GPC5: variants seen among roughly 807,000 people sequenced by gnomAD.
The protein encoded by GPC5 is glypican-5.
A neutral mutation model predicts 53.9 loss-of-function variants in GPC5; 47 were observed. The ratio of observed to expected loss-of-function variants is 0.87; its 90% CI spans 0.69 to 1.11. GPC5 has a LOEUF of 1.11. Ranked by LOEUF, GPC5 falls within the 50% of genes most tolerant of loss-of-function variation. The pLI, the probability that GPC5 is intolerant of heterozygous loss-of-function variation, is 0.00. For missense variants in GPC5, 748 were observed against 713.1 expected, an observed-to-expected ratio of 1.05 and a Z score of -0.56; for synonymous variants, 286 against 263.3, an observed-to-expected ratio of 1.09 and a Z score of -0.84.
At chr13:92,588,288 G>A (rs1307090321) in intron 7 of GPC5, among the ~76,000 whole-genome samples, 1 of 152,132 alleles carries the variant, frequency 6.6e-6, no homozygotes, top group East Asian at 1.9e-4. Flanking sequence ...GTATTCCATG[G>A]TGTAAATGTA....
intron 1 of GPC5, among the ~76,000 whole-genome samples, chr13:91,425,471 G>A (rs1878973714): frequency 1.3e-5 from 2 of 152,140 alleles, no homozygotes; most frequent in Admixed American, 1.3e-4. Context: ...TCATGATAGT[G>A]AGTGAATTCT....
At chr13:92,530,030 C>T (rs1419861528) in intron 7 of GPC5, among the ~76,000 whole-genome samples, 1 of 152,182 alleles carries the variant, frequency 6.6e-6, no homozygotes, top group Non-Finnish European at 1.5e-5. Context: ...TTGCAGTGAG[C>T]TCTCATCGTG....
At chr13:92,490,993 G>A (rs1452865437) in intron 7 of GPC5, among the ~76,000 whole-genome samples, 1 of 152,058 alleles carries the variant, frequency 6.6e-6, no homozygotes, top group African/African-American at 2.4e-5. Context: ...AACAAAGACA[G>A]ATACCTATGG....
At chr13:91,793,871 C>G (rs111274103) in intron 5 of GPC5, among the ~76,000 whole-genome samples, 46 of 152,176 alleles carry the variant, frequency 3.0e-4, no homozygotes, top group African/African-American at 1.1e-3. Flanking sequence ...GAAACCACCC[C>G]CATGATCCAA....
chr13:92,013,741 T>C (rs1373427043), intron 6 of GPC5, among the ~76,000 whole-genome samples: 1 of 152,170 alleles, frequency 6.6e-6, no homozygotes. Flanking sequence ...CCCAACTTGA[T>C]AGATTCCAAG....
chr13:92,037,100 T>A (rs1235744167), intron 6 of GPC5, among the ~76,000 whole-genome samples: 5 of 152,150 alleles, frequency 3.3e-5, no homozygotes, highest in Admixed American at 3.3e-4. Flanking sequence ...CCAAACTCTG[T>A]CTCTTTCTTC....
At chr13:92,857,711 T>C (rs1366040078) in intron 7 of GPC5, among the ~76,000 whole-genome samples, 1 of 151,722 alleles carries the variant, frequency 6.6e-6, no homozygotes, top group Non-Finnish European at 1.5e-5. Context: ...AATAAACATA[T>C]GAAAAAAATG....
At chr13:92,128,713 C>A (rs377335548) in intron 6 of GPC5, among the ~76,000 whole-genome samples, 10 of 152,054 alleles carry the variant, frequency 6.6e-5, no homozygotes, top group African/African-American at 2.4e-4. Flanking sequence ...GCCTGTAATC[C>A]CAGCACTTTG....
intron 2 of GPC5, among the ~76,000 whole-genome samples, chr13:91,604,351 A>G (rs563736278): frequency 6.7e-6 from 1 of 150,068 alleles, no homozygotes; most frequent in African/African-American, 2.5e-5. Flanking sequence ...CCAGTCTATC[A>G]TTGTTGGACA....
intron 7 of GPC5, among the ~76,000 whole-genome samples, chr13:92,258,581 T>G (rs1421096292): frequency 6.6e-6 from 1 of 152,194 alleles, no homozygotes; most frequent in Non-Finnish European, 1.5e-5. Flanking sequence ...TGGATTTATT[T>G]CTATAAGATA....
intron 7 of GPC5, among the ~76,000 whole-genome samples, chr13:92,351,188 C>G (rs12430081): frequency 0.011 from 1,607 of 151,640 alleles, 75 homozygotes; most frequent in East Asian, 0.092. Context: ...ATACGTTTTT[C>G]TATTCAGATC....
intron 2 of GPC5, among the ~76,000 whole-genome samples, chr13:91,683,080 C>T (rs970264094): frequency 2.0e-5 from 3 of 151,436 alleles, no homozygotes; most frequent in African/African-American, 4.8e-5. Context: ...AATGGAGGAT[C>T]GCGAGATGGG....
intron 2 of GPC5, among the ~76,000 whole-genome samples, chr13:91,606,697 T>C (rs1296871452): frequency 1.3e-5 from 2 of 149,888 alleles, no homozygotes; most frequent in African/African-American, 4.9e-5. Context: ...AGTGTATGTG[T>C]CCAGGAATTT....
chr13:92,658,919 G>GTTTTTTTTTTTTTTTTTTT (rs1358143857), intron 7 of GPC5: 1 of 96,048 alleles, frequency 1.0e-5, no homozygotes, highest in African/African-American at 3.5e-5. Flanking sequence ...AGTTGTATAT[G>GTTTTTTTTTTTTTTTTTTT]TTTTGTTTTT....
At chr13:91,421,656 A>G (rs765603906) in intron 1 of GPC5, among the ~76,000 whole-genome samples, 5 of 152,202 alleles carry the variant, frequency 3.3e-5, no homozygotes, top group Admixed American at 6.5e-5. Flanking sequence ...AAATAATGAG[A>G]GAAAAACTAA....
intron 7 of GPC5, among the ~76,000 whole-genome samples, chr13:92,599,725 A>G (rs1883986602): frequency 6.6e-6 from 1 of 152,196 alleles, no homozygotes; most frequent in African/African-American, 2.4e-5. Flanking sequence ...AAAACCAGTT[A>G]GGAAGTAATA....
rs1190169532 is a variant in GPC5 at position 92,125,924 on chromosome 13, G to GTTTTTT, written c.1402-18862_1402-18857dup. Among the ~76,000 whole-genome samples the GTTTTTT allele has an allele frequency of 3.0e-4, 23 of 75,854 alleles. 2 individuals carry two copies. Among genetic ancestry groups the GTTTTTT allele is most frequent in the African/African-American group, 8.4e-4 (16 of 18,982 alleles). 49.8% of individuals were successfully genotyped at this position (75,854 alleles called of 152,430 possible). ...TTAGAAAGGAAACATTTGTTTTTTG[G>GTTTTTT]TTTTTTTTTTTTTTTTTTTTTTTTT... On this transcript the variant is annotated intron_variant, in intron 6 of 7. Coordinates refer to ENST00000377067, the MANE Select transcript of GPC5 (RefSeq NM_004466.6).
At chr13:91,914,546 TATA>T (rs2039640095) in intron 6 of GPC5, among the ~76,000 whole-genome samples, 2 of 152,020 alleles carry the variant, frequency 1.3e-5, no homozygotes, top group African/African-American at 4.8e-5. Flanking sequence ...GTAGATTTTC[TATA>T]ATATGTATCC....
intron 7 of GPC5, among the ~76,000 whole-genome samples, chr13:92,402,369 A>T (rs957665731): frequency 2.0e-5 from 3 of 152,206 alleles, no homozygotes; most frequent in Non-Finnish European, 4.4e-5. Flanking sequence ...CTTTCCACAA[A>T]GCAATCAATA....
Sources: gnomAD v4.1 joint callset for allele counts (sites outside exome capture counted in the v4.1 genomes callset) on GRCh38, gnomAD v4.1.1 for gene constraint, MANE v1.5 for transcripts, NCBI Gene and HGNC (gene_info 2026-07-23, HGNC 2026-07-21) for gene names.